Variants in LINGO1 observed in about 807,000 individuals in gnomAD.
LINGO1 encodes the protein leucine-rich repeat and immunoglobulin-like domain-containing nogo receptor-interacting protein 1.
A neutral mutation model predicts 37.3 loss-of-function variants in LINGO1; 11 were observed. The observed-to-expected ratio is 0.29, with a 90% CI of 0.19 to 0.49. LINGO1 has a LOEUF of 0.49. Ranked by LOEUF, LINGO1 falls within the 20% of genes least tolerant of loss-of-function variation. The probability of loss-of-function intolerance (pLI) is 0.99; values close to 1 mark genes in which losing one functional copy is unlikely to be tolerated. For synonymous variants in LINGO1, 387 were observed against 403.0 expected, an observed-to-expected ratio of 0.96 and a Z score of 0.48; for missense variants, 585 against 878.2, an observed-to-expected ratio of 0.67 and a Z score of 4.22.
chr15:77,815,897 C>T (rs988667698), intron 1 of LINGO1, among the ~76,000 whole-genome samples: 4 of 152,188 alleles, frequency 2.6e-5, no homozygotes, highest in Non-Finnish European at 5.9e-5. Flanking sequence ...CCAACCTTCT[C>T]CATGCCCCCA....
chr15:77,775,676 A>C (rs921139569), intron 1 of LINGO1, among the ~76,000 whole-genome samples: 7 of 152,012 alleles, frequency 4.6e-5, no homozygotes, highest in African/African-American at 1.7e-4. Context: ...ACAGCCTCCC[A>C]TGCCTGAGCC....
At chr15:77,699,565 G>A (rs1359402008), upstream of LINGO1, among the ~76,000 whole-genome samples, 1 of 17,874 alleles carries the variant, frequency 5.6e-5, no homozygotes, top group East Asian at 1.6e-3. Context: ...CCTGCACACA[G>A]TAAAGCACAT....
intron 2 of LINGO1, among the ~76,000 whole-genome samples, chr15:77,723,850 G>A (rs1033489976): frequency 6.6e-6 from 1 of 152,162 alleles, no homozygotes; most frequent in African/African-American, 2.4e-5. Flanking sequence ...AGTTCCAAAC[G>A]GAGCCGAGGC....
At chr15:77,722,374 C>T (rs1321482499) in intron 2 of LINGO1, among the ~76,000 whole-genome samples, 1 of 152,218 alleles carries the variant, frequency 6.6e-6, no homozygotes, top group East Asian at 1.9e-4. Context: ...CGTGGCAACC[C>T]TCTGGAGATG....
rs375149965 is a variant in LINGO1, at chr15:77,666,666, TCTC to T, written c.-13+10420_-13+10422del. ...TTGTGATCTGGAGCAGCTAACTTAA[TCTC>T]CTTGCATCTCAGTTTTCCTTCTCTA... On this transcript the variant is annotated intron_variant, in intron 3 of 3. Transcript: ENST00000559893. Among the ~76,000 whole-genome samples, 54 of 152,314 alleles carry T rather than the reference TCTC, an allele frequency of 3.5e-4. No individual in the cohort carries two copies. The East Asian group carries it at 7.9e-3, about 22-fold the overall frequency.
chr15:77,699,505 A>C (rs1029350327), upstream of LINGO1, among the ~76,000 whole-genome samples: 3 of 6,090 alleles, frequency 4.9e-4, no homozygotes, highest in Non-Finnish European at 9.9e-4. Flanking sequence ...CTCCACACAC[A>C]ATAAGCACAT....
chr15:77,818,317 C>T (rs1396057193), intron 1 of LINGO1, among the ~76,000 whole-genome samples: 2 of 152,264 alleles, frequency 1.3e-5, no homozygotes, highest in Non-Finnish European at 2.9e-5. Context: ...CTTTCCATCC[C>T]ATCTTCCACA....
In LINGO1 at chr15:77,776,530, G is replaced by GGA. The variant is rs2076653137; in HGVS notation, c.-257+10338_-257+10339insTC. 4.4e-4 allele frequency among the ~76,000 whole-genome samples: 15 copies of GGA among 34,468 alleles called. 1 individual carries two copies. Among genetic ancestry groups the GGA allele is most frequent in the East Asian group, 1.4e-3 (2 of 1,472 alleles). 22.6% of individuals were successfully genotyped at this position (34,468 alleles called of 152,430 possible). On this transcript the variant is annotated intron_variant, in intron 1 of 3. Transcript: ENST00000561686. ...GCAGGAAGGCAGGAAGGGAGGAAGG[G>GGA]AGGGAGGGAGGGAGGGAGGGAGGGA...
chr15:77,800,211 C>A (rs1383488239), intron 1 of LINGO1, among the ~76,000 whole-genome samples: 1 of 152,168 alleles, frequency 6.6e-6, no homozygotes, highest in Non-Finnish European at 1.5e-5. Context: ...TGACTTGGGG[C>A]TAGGCTGGCA....
At chr15:77,705,227 G>A (rs2075837681) in intron 2 of LINGO1, among the ~76,000 whole-genome samples, 1 of 99,306 alleles carries the variant, frequency 1.0e-5, no homozygotes, top group Admixed American at 1.2e-4. Context: ...CCAGCACCCT[G>A]GACCTTGCTT....
At chr15:77,721,221 A>T (rs11856761) in intron 2 of LINGO1, among the ~76,000 whole-genome samples, 1 of 151,232 alleles carries the variant, frequency 6.6e-6, no homozygotes, top group African/African-American at 2.4e-5. Context: ...CCCGGCCCTA[A>T]CCCCCTCCAG....
At chr15:77,684,603 C>T (rs2075471816) in intron 2 of LINGO1, among the ~76,000 whole-genome samples, 1 of 152,230 alleles carries the variant, frequency 6.6e-6, no homozygotes, top group Non-Finnish European at 1.5e-5. Context: ...CAGAAGCCAG[C>T]CCCCGTCCCA....
intron 2 of LINGO1, among the ~76,000 whole-genome samples, chr15:77,734,328 T>A (rs2076182110): frequency 6.7e-6 from 1 of 150,030 alleles, no homozygotes; most frequent in South Asian, 2.1e-4. Context: ...GAGCATGGAA[T>A]TTTTTTTTTA....
chr15:77,759,742 C>T (rs930540714), intron 1 of LINGO1, among the ~76,000 whole-genome samples: 5 of 152,332 alleles, frequency 3.3e-5, no homozygotes, highest in Non-Finnish European at 7.3e-5. Context: ...TACATGGGGG[C>T]GTCTACCTCT....
intron 1 of LINGO1, among the ~76,000 whole-genome samples, chr15:77,817,458 A>T (rs74026871): frequency 6.6e-6 from 1 of 152,238 alleles, no homozygotes; most frequent in African/African-American, 2.4e-5. Context: ...GTTGGGCGGG[A>T]GTGATTCGGA....
chr15:77,807,469 G>T (rs2076969427), intron 1 of LINGO1, among the ~76,000 whole-genome samples: 1 of 152,202 alleles, frequency 6.6e-6, no homozygotes, highest in Non-Finnish European at 1.5e-5. Flanking sequence ...GCTTCAAACG[G>T]ATGTGCTCAG....
Position 77,718,703 on chromosome 15 carries a change from C to T in LINGO1, c.-195+16289G>A, listed in dbSNP as rs1280815647. Among the ~76,000 whole-genome samples the T allele has an allele frequency of 2.0e-5, 3 of 150,746 alleles. 1 individual carries two copies. The highest frequency in any genetic ancestry group is 4.8e-5 in the African/African-American group (2 of 41,374). On this transcript the variant is annotated intron_variant, in intron 2 of 3. Transcript: ENST00000561686. ...TCTGGCAGTATAGACCCCTTAGTCA[C>T]AACTGCGTGGCCTTGGTCACCATCA...
intron 1 of LINGO1, among the ~76,000 whole-genome samples, chr15:77,814,932 T>A (rs2141485248): frequency 6.6e-6 from 1 of 152,322 alleles, no homozygotes; most frequent in East Asian, 1.9e-4. Flanking sequence ...GGGTGGGGCA[T>A]GTGAGGAGGG....
intron 2 of LINGO1, among the ~76,000 whole-genome samples, chr15:77,722,323 AC>A (rs2076059087): frequency 6.6e-6 from 1 of 152,192 alleles, no homozygotes; most frequent in African/African-American, 2.4e-5. Flanking sequence ...CTGTCCCCCA[AC>A]AAAAATATGC....
Sources: gnomAD v4.1 joint callset for allele counts (sites outside exome capture counted in the v4.1 genomes callset) on GRCh38, gnomAD v4.1.1 for gene constraint, MANE v1.5 for transcripts, NCBI Gene and HGNC (gene_info 2026-07-23, HGNC 2026-07-21) for gene names.